The following NKX1-2 variants were observed in gnomAD, a reference collection of about 807,000 sequenced individuals.
NKX1-2 encodes the protein NK1 transcription factor-related protein 2.
Under a neutral mutation model 4.4 loss-of-function variants are expected in NKX1-2, and 1 was observed. The observed-to-expected ratio is 0.23, with a 90% CI of 0.08 to 1.08. The LOEUF (loss-of-function observed/expected upper bound fraction) is 1.08. Among genes scored for constraint, NKX1-2 ranks in the 50% least tolerant of loss-of-function variants. NKX1-2 has a pLI of 0.55. For missense variants in NKX1-2, 503 were observed against 464.6 expected (o/e 1.08, Z -0.76); for synonymous variants, 235 against 228.0 (o/e 1.03, Z -0.28).
chr10:124,447,861 G>A lies in NKX1-2; in HGVS notation c.501C>T (p.Arg167=). ...EPNCAKPRRA[R]TAFTYEQLVA... is the part of the protein sequence containing the mutation. ...CCAGCTGCTCGTAGGTGAAGGCGGT[G>A]CGCGCGCGCCGCGGCTTGGCGCAGT... Residue 167 remains arginine (R), a synonymous_variant, in exon 2 of 2, where the codon CGC becomes CGT. Transcript: ENST00000451024. 1 of 1,449,706 alleles carries A rather than the reference G, an allele frequency of 6.9e-7. No homozygotes were observed. Among genetic ancestry groups the A allele is most frequent in the Non-Finnish European group, 9.2e-7 (1 of 1,092,754 alleles). The allele number at this position is 1,449,706 out of a possible 1,614,324, so 89.8% of individuals were successfully genotyped here.
Position 124,448,132 on chromosome 10 carries a change from C to A in NKX1-2, c.230G>T (p.Gly77Val). ...QLETPDAAGP[G>V]AGQASPLEGS... ...CTCCAGGGGGGACGCCTGGCCGGCG[C>A]CTGGGCCCGCAGCATCTAGGGGAGA... Residue 77 changes from glycine to valine, a missense_variant, in exon 2 of 2, where the codon GGC becomes GTC. Coordinates refer to ENST00000451024, the MANE Select transcript of NKX1-2 (RefSeq NM_001146340.3). The surrounding 1 kb of genome is among the most constrained non-coding windows in gnomAD (Gnocchi z 4.1). The A allele has an allele frequency of 6.7e-7, 1 of 1,487,468 alleles. No individual in the cohort carries two copies. Among genetic ancestry groups the A allele is most frequent in the South Asian group, 1.3e-5 (1 of 79,542 alleles). 92.1% of individuals were successfully genotyped at this position (1,487,468 alleles called of 1,614,324 possible). A position where few individuals can be genotyped will look rare whatever the true frequency, so the allele number is the denominator to read the frequency against.
At position 124,447,205 on chromosome 10, in the gene NKX1-2, C is replaced by A. The variant is rs764292366; in HGVS notation, c.*224G>T. Reference sequence around the variant, plus strand: ...ATTAAACCTGACCCAAAGTGAACAGCAAGGTCCAGAAACGGCAAGGCTTGA... The same window carrying A: ...ATTAAACCTGACCCAAAGTGAACAGAAAGGTCCAGAAACGGCAAGGCTTGA... On this transcript the variant is annotated 3_prime_UTR_variant, in exon 2 of 2. Coordinates refer to ENST00000451024, the MANE Select transcript of NKX1-2 (RefSeq NM_001146340.3). 1 of 392,772 alleles carries A rather than the reference C, an allele frequency of 2.5e-6. No homozygotes were observed. 24.3% of individuals were successfully genotyped at this position (392,772 alleles called of 1,614,324 possible).
Position 124,449,111 on chromosome 10 carries a change from A to G in NKX1-2, c.214+619T>C, listed in dbSNP as rs756030793. Among the ~76,000 whole-genome samples the G allele has an allele frequency of 2.6e-5, 4 of 152,196 alleles. No homozygotes were observed. The highest frequency in any genetic ancestry group is 5.9e-5 in the Non-Finnish European group (4 of 68,040). Reference sequence around the variant, plus strand: ...CCGCCAGCGTTGGGAGTAATTCAGAAAGGGTTTCGAGAAGAAAGTACCGAA... The same window carrying G: ...CCGCCAGCGTTGGGAGTAATTCAGAGAGGGTTTCGAGAAGAAAGTACCGAA... On this transcript the variant is annotated intron_variant, in intron 1 of 1. Coordinates refer to ENST00000451024, the MANE Select transcript of NKX1-2 (RefSeq NM_001146340.3). The surrounding 1 kb of genome is among the most constrained non-coding windows in gnomAD (Gnocchi z 7.5).
Position 124,447,315 on chromosome 10 carries a change from G to T in NKX1-2, c.*114C>A, listed in dbSNP as rs1030797964. The T allele has an allele frequency of 8.8e-6, 7 of 799,134 alleles. No homozygotes were observed. Among genetic ancestry groups the T allele is most frequent in the Non-Finnish European group, 1.0e-5 (6 of 580,564 alleles). 49.5% of individuals were successfully genotyped at this position (799,134 alleles called of 1,614,324 possible). A position where few individuals can be genotyped will look rare whatever the true frequency, so the allele number is the denominator to read the frequency against. On this transcript the variant is annotated 3_prime_UTR_variant, in exon 2 of 2. Coordinates refer to ENST00000451024, the MANE Select transcript of NKX1-2 (RefSeq NM_001146340.3). ...CGCGAGGATCGCGGGTGCGCGCGGC[G>T]GGCAGGGGTGCGCTGACACCCGCGC...
chr10:124,448,056 C>T lies in NKX1-2; in HGVS notation c.306G>A (p.Arg102=). 1.3e-6 allele frequency: 2 copies of T among 1,520,656 alleles called. No homozygotes were observed. The highest frequency in any genetic ancestry group is 2.6e-5 in the East Asian group (1 of 38,164). The allele number at this position is 1,520,656 out of a possible 1,614,324, so 94.2% of individuals were successfully genotyped here. A position where few individuals can be genotyped will look rare whatever the true frequency, so the allele number is the denominator to read the frequency against. ...GCAAGCGCGCAGCCCGCTCCCGCAG[C>T]CGCGGCCTCCTCGGATCCTCCGCAT... ...EEDAEDPRRP[R]LRERAARLLP... The change falls in exon 2 of 2, where the codon CGG becomes CGA. Residue 102 remains arginine (R), a synonymous_variant. Transcript: ENST00000451024. This position sits in a 1 kb window ranked among gnomAD's most constrained non-coding sequence, Gnocchi z 4.1.
At position 124,447,610 on chromosome 10, in the gene NKX1-2, C is replaced by T. The variant is rs1404743089; in HGVS notation, c.752G>A (p.Gly251Asp). 8 of 1,279,188 alleles carry T rather than the reference C, an allele frequency of 6.3e-6. No homozygotes were observed. The highest frequency in any genetic ancestry group is 8.4e-5 in the Admixed American group (2 of 23,864). The allele number at this position is 1,279,188 out of a possible 1,614,324, so 79.2% of individuals were successfully genotyped here. ...AGGGGGGGSGGSPGPPGTGAL... is the reference protein window; with the variant it reads ...AGGGGGGGSGDSPGPPGTGAL... ...GCCGGTGCCGGGAGGGCCAGGACTG[C>T]CCCCCGAGCCGCCGCCGCCGCCGCC... Residue 251 changes from glycine to aspartate, a missense_variant, in exon 2 of 2, where the codon GGC becomes GAC. Physicochemically the swap from Gly to Asp is moderately conservative, Grantham distance 94 (BLOSUM62 -1). Coordinates refer to ENST00000451024, the MANE Select transcript of NKX1-2 (RefSeq NM_001146340.3).
chr10:124,448,119 C>T lies in NKX1-2; in HGVS notation c.243G>A (p.Ala81=), dbSNP rs962411062. 7.3e-6 allele frequency: 11 copies of T among 1,497,282 alleles called. No individual in the cohort carries two copies. The highest frequency in any genetic ancestry group is 1.2e-5 in the South Asian group (1 of 80,852). The allele number at this position is 1,497,282 out of a possible 1,614,324, so 92.7% of individuals were successfully genotyped here. ...PDAAGPGAGQ[A]SPLEGSEAEE... ...CCGCCTCGGAACCCTCCAGGGGGGACGCCTGGCCGGCGCCTGGGCCCGCAG... is the reference window on the plus strand; with the variant it reads ...CCGCCTCGGAACCCTCCAGGGGGGATGCCTGGCCGGCGCCTGGGCCCGCAG... The change falls in exon 2 of 2, where the codon GCG becomes GCA. Residue 81 remains alanine (A), a synonymous_variant. Transcript: ENST00000451024. This position sits in a 1 kb window ranked among gnomAD's most constrained non-coding sequence, Gnocchi z 4.1.
In NKX1-2 at chr10:124,447,497, G is replaced by GGGC; in HGVS notation, c.862_864dup (p.Ala288dup). The GGGC allele has an allele frequency of 1.6e-6, 2 of 1,272,230 alleles. No individual in the cohort carries two copies. Among genetic ancestry groups the GGGC allele is most frequent in the Middle Eastern group, 2.0e-4 (1 of 4,902 alleles). The allele number at this position is 1,272,230 out of a possible 1,614,324, so 78.8% of individuals were successfully genotyped here. A position where few individuals can be genotyped will look rare whatever the true frequency, so the allele number is the denominator to read the frequency against. ...AGGAACGGCGCGAAAGGGCTCCCGG[G>GGGC]GGCGGCAGCCGTCAGCGGGAAGGAG... On this transcript the variant is annotated inframe_insertion, in exon 2 of 2. Transcript: ENST00000451024.
At position 124,449,673 on chromosome 10, in the gene NKX1-2, A is replaced by C; in HGVS notation, c.214+57T>G. On this transcript the variant is annotated intron_variant, in intron 1 of 1. Coordinates refer to ENST00000451024, the MANE Select transcript of NKX1-2 (RefSeq NM_001146340.3). This position sits in a 1 kb window ranked among gnomAD's most constrained non-coding sequence, Gnocchi z 7.5. ...TCACCGGGCCCGGCTGTTCCCCCAT[A>C]CACTCCGCATTGTTGGGGCTGAGGC... 7.7e-7 allele frequency: 1 copy of C among 1,290,592 alleles called. No individual in the cohort carries two copies. Among genetic ancestry groups the C allele is most frequent in the Non-Finnish European group, 1.1e-6 (1 of 913,278 alleles). The allele number at this position is 1,290,592 out of a possible 1,614,324, so 79.9% of individuals were successfully genotyped here. A position where few individuals can be genotyped will look rare whatever the true frequency, so the allele number is the denominator to read the frequency against.
Position 124,447,549 on chromosome 10 carries a change from C to T in NKX1-2, c.813G>A (p.Ala271=). The change falls in exon 2 of 2, where the codon GCG becomes GCA. Residue 271 remains alanine, a synonymous_variant. Coordinates refer to ENST00000451024, the MANE Select transcript of NKX1-2 (RefSeq NM_001146340.3). ...LHFQTFPSYS[A]ANVLFPSAAS... is the part of the protein sequence containing the mutation. ...CGGCGGACGGGAAGAGGACATTGGC[C>T]GCGGAGTAGGAGGGGAAAGTCTGGA... 1 of 1,276,176 alleles carries T rather than the reference C, an allele frequency of 7.8e-7. No individual in the cohort carries two copies. The highest frequency in any genetic ancestry group is 3.7e-5 in the South Asian group (1 of 27,238). 79.1% of individuals were successfully genotyped at this position (1,276,176 alleles called of 1,614,324 possible).
chr10:124,447,468 C>T lies in NKX1-2; in HGVS notation c.894G>A (p.Gly298=), dbSNP rs1740343165. 1.6e-6 allele frequency: 2 copies of T among 1,267,322 alleles called. No individual in the cohort carries two copies. Among genetic ancestry groups the T allele is most frequent in the Non-Finnish European group, 2.0e-6 (2 of 1,001,662 alleles). 78.5% of individuals were successfully genotyped at this position (1,267,322 alleles called of 1,614,324 possible). A position where few individuals can be genotyped will look rare whatever the true frequency, so the allele number is the denominator to read the frequency against. Residue 298 remains glycine (G), a synonymous_variant, in exon 2 of 2, where the codon GGG becomes GGA. Coordinates refer to ENST00000451024, the MANE Select transcript of NKX1-2 (RefSeq NM_001146340.3). The part of the protein sequence containing the change: ...APGSPFAPFL[G]PSYLTPFYAP... The stretch of plus-strand genomic sequence containing the variant: ...CGTAGAAGGGGGTCAGGTAGGAAGG[C>T]CCAAGGAACGGCGCGAAAGGGCTCC...
Position 124,447,584 on chromosome 10 carries a change from C to G in NKX1-2, c.778G>C (p.Ala260Pro). ...GGSPGPPGTG[A>P]LHFQTFPSYS... ...GAGGGGAAAGTCTGGAAGTGCAGAG[C>G]GCCGGTGCCGGGAGGGCCAGGACTG... The change falls in exon 2 of 2, where the codon GCT (alanine) becomes CCT (proline). Residue 260 changes from alanine (A) to proline (P), a missense_variant. Physicochemically the swap from Ala to Pro is conservative, Grantham distance 27. Transcript: ENST00000451024. 7.9e-7 allele frequency: 1 copy of G among 1,271,178 alleles called. No individual in the cohort carries two copies. The allele number at this position is 1,271,178 out of a possible 1,614,324, so 78.7% of individuals were successfully genotyped here.
At position 124,447,786 on chromosome 10, in the gene NKX1-2, C is replaced by A; in HGVS notation, c.576G>T (p.Glu192Asp). 1 of 1,482,580 alleles carries A rather than the reference C, an allele frequency of 6.7e-7. No homozygotes were observed. 91.8% of individuals were successfully genotyped at this position (1,482,580 alleles called of 1,614,324 possible). A position where few individuals can be genotyped will look rare whatever the true frequency, so the allele number is the denominator to read the frequency against. ...TGAGAGACAGCGCGAGGTTCAGGCGCTCGCACACTGACAGGTAGCGCGTGG... is the reference window on the plus strand; with the variant it reads ...TGAGAGACAGCGCGAGGTTCAGGCGATCGCACACTGACAGGTAGCGCGTGG... Reference protein sequence around the residue: ...FRATRYLSVCERLNLALSLSL... With the variant: ...FRATRYLSVCDRLNLALSLSL... Residue 192 changes from glutamate to aspartate, a missense_variant, in exon 2 of 2, where the codon GAG becomes GAT. Coordinates refer to ENST00000451024, the MANE Select transcript of NKX1-2 (RefSeq NM_001146340.3).
Position 124,447,343 on chromosome 10 carries a change from C to G in NKX1-2, c.*86G>C, listed in dbSNP as rs945009299. The G allele has an allele frequency of 2.4e-6, 2 of 845,148 alleles. No homozygotes were observed. The highest frequency in any genetic ancestry group is 1.8e-5 in the African/African-American group (1 of 56,658). The allele number at this position is 845,148 out of a possible 1,614,324, so 52.4% of individuals were successfully genotyped here. A position where few individuals can be genotyped will look rare whatever the true frequency, so the allele number is the denominator to read the frequency against. ...CAGGGGTGCGCTGACACCCGCGCAC[C>G]TGCACCCCCGGTGGAGGAGCCGAGG... On this transcript the variant is annotated 3_prime_UTR_variant, in exon 2 of 2. Coordinates refer to ENST00000451024, the MANE Select transcript of NKX1-2 (RefSeq NM_001146340.3).
At position 124,449,024 on chromosome 10, in the gene NKX1-2, A is replaced by T. The variant is rs1952272126; in HGVS notation, c.214+706T>A. Among the ~76,000 whole-genome samples the T allele has an allele frequency of 6.6e-6, 1 of 151,738 alleles. No homozygotes were observed. The highest frequency in any genetic ancestry group is 2.4e-5 in the African/African-American group (1 of 41,284). On this transcript the variant is annotated intron_variant, in intron 1 of 1. Coordinates refer to ENST00000451024, the MANE Select transcript of NKX1-2 (RefSeq NM_001146340.3). This position sits in a 1 kb window ranked among gnomAD's most constrained non-coding sequence, Gnocchi z 7.5. ...CCTTTCCCTGTCTGATCCCAGCAGG[A>T]CTCCTGCTGTCTTCCGTCCTTCCTT...
At position 124,448,844 on chromosome 10, in the gene NKX1-2, GAA is replaced by G. The variant is rs1564753837; in HGVS notation, c.215-699_215-698del. ...GGGCGGCCCCTCGGAGAGAAGATCC[GAA>G]CAATTACCAGGCCGCCTGCCTGGGC... On this transcript the variant is annotated intron_variant, in intron 1 of 1. Coordinates refer to ENST00000451024, the MANE Select transcript of NKX1-2 (RefSeq NM_001146340.3). The surrounding 1 kb of genome is among the most constrained non-coding windows in gnomAD (Gnocchi z 4.1). Among the ~76,000 whole-genome samples the G allele has an allele frequency of 6.6e-6, 1 of 152,174 alleles. No individual in the cohort carries two copies. Among genetic ancestry groups the G allele is most frequent in the Non-Finnish European group, 1.5e-5 (1 of 68,026 alleles).
rs1952254229 is a variant in NKX1-2 at position 124,447,664 on chromosome 10, C to T, written c.698G>A (p.Gly233Asp). The part of the protein sequence containing the change: ...PGADGAAQVG[G>D]GAPQPGAAGG... ...CGCCGCCCCTGGCTGGGGCGCGCCA[C>T]CCCCCACCTGCGCCGCGCCGTCGGC... The change falls in exon 2 of 2, where the codon GGT becomes GAT. Residue 233 changes from glycine (G) to aspartate (D), a missense_variant. Coordinates refer to ENST00000451024, the MANE Select transcript of NKX1-2 (RefSeq NM_001146340.3). 8.7e-6 allele frequency: 12 copies of T among 1,377,706 alleles called. No homozygotes were observed. Among genetic ancestry groups the T allele is most frequent in the Non-Finnish European group, 3.8e-6 (4 of 1,054,790 alleles). The allele number at this position is 1,377,706 out of a possible 1,614,324, so 85.3% of individuals were successfully genotyped here.
chr10:124,449,869 G>A lies in NKX1-2; in HGVS notation c.75C>T (p.Ile25=). The part of the protein sequence containing the change: ...HHKISFSVLD[I]LDPQKFTRAA... The stretch of plus-strand genomic sequence containing the variant: ...CGCGGGTGAATTTCTGTGGGTCCAG[G>A]ATGTCCAGGACAGAGAAAGAAATCT... The change falls in exon 1 of 2, where the codon ATC becomes ATT. Residue 25 remains isoleucine (I), a synonymous_variant. Transcript: ENST00000451024. This position sits in a 1 kb window ranked among gnomAD's most constrained non-coding sequence, Gnocchi z 7.5. 6.4e-7 allele frequency: 1 copy of A among 1,551,624 alleles called. No individual in the cohort carries two copies. The highest frequency in any genetic ancestry group is 8.7e-7 in the Non-Finnish European group (1 of 1,146,944).
In NKX1-2 at chr10:124,448,144, GC is replaced by G. The variant is rs1163451925; in HGVS notation, c.217del (p.Ala73LeufsTer42). On this transcript the variant is annotated frameshift_variant and splice_region_variant, in exon 2 of 2. Coordinates refer to ENST00000451024, the MANE Select transcript of NKX1-2 (RefSeq NM_001146340.3). LOFTEE classifies it low-confidence loss of function (END_TRUNC). This position sits in a 1 kb window ranked among gnomAD's most constrained non-coding sequence, Gnocchi z 4.1. ...CGCCTGGCCGGCGCCTGGGCCCGCA[GC>G]ATCTAGGGGAGAAGGGGTCGGTGAA... Reference protein sequence around the residue: ...DPVRQLETPDAAGPGAGQASP... With the variant: ...DPVRQLETPDXAGPGAGQASP... 6.8e-7 allele frequency: 1 copy of G among 1,474,624 alleles called. No individual in the cohort carries two copies. Among genetic ancestry groups the G allele is most frequent in the South Asian group, 1.3e-5 (1 of 77,264 alleles). The allele number at this position is 1,474,624 out of a possible 1,614,324, so 91.3% of individuals were successfully genotyped here.
Sources: gnomAD v4.1 joint callset for allele counts (sites outside exome capture counted in the v4.1 genomes callset) on GRCh38, gnomAD v4.1.1 for gene constraint, Gnocchi (gnomAD v3.1) non-coding constraint, MANE v1.5 for transcripts, NCBI Gene and HGNC (gene_info 2026-07-23, HGNC 2026-07-21) for gene names.